The following RELN variants were observed in gnomAD, a reference collection of about 807,000 sequenced individuals.
RELN encodes the protein reelin.
Under a neutral mutation model 427.6 loss-of-function variants are expected in RELN, and 108 were observed. The ratio of observed to expected loss-of-function variants is 0.25; its 90% CI spans 0.22 to 0.30. The LOEUF (loss-of-function observed/expected upper bound fraction) is 0.30, where lower values mean the gene tolerates loss of function less well. Ranked by LOEUF, RELN falls within the 10% of genes least tolerant of loss-of-function variation. The pLI, the probability that RELN is intolerant of heterozygous loss-of-function variation, is 1.00. For synonymous variants in RELN, 1,524 were observed against 1,513.4 expected, an observed-to-expected ratio of 1.01 and a Z score of -0.16; for missense variants, 3,715 against 4,302.8, an observed-to-expected ratio of 0.86 and a Z score of 3.82.
chr7:103,652,222 C>T lies in RELN; in HGVS notation c.1763+329G>A, dbSNP rs115828138. 9.6e-3 allele frequency among the ~76,000 whole-genome samples: 1,442 copies of T among 150,584 alleles called. 27 individuals carry two copies. Among genetic ancestry groups the T allele is most frequent in the African/African-American group, 0.033 (1,371 of 41,152 alleles). On this transcript the variant is annotated intron_variant, in intron 14 of 64. Transcript: ENST00000428762. ...TGCTTATTATTAGCAGGTCACCAGC[C>T]GACAGGAGGTCAAGCTTTTTTTCAG... is the stretch of plus-strand genomic sequence containing the variant.
intron 8 of RELN, among the ~76,000 whole-genome samples, chr7:103,702,851 G>C (rs1834122497): frequency 6.6e-6 from 1 of 152,102 alleles, no homozygotes. Flanking sequence ...TGCTCTTTCT[G>C]CAAGTCAACG....
intron 3 of RELN, 111 bp downstream of exon 3, chr7:103,833,426 A>G: frequency 9.6e-7 from 1 of 1,046,306 alleles, no homozygotes; most frequent in Non-Finnish European, 1.5e-6. Context: ...GATTTTAATT[A>G]GGGTTAAACC....
At chr7:103,676,613 C>T (rs1420150758) in intron 11 of RELN, among the ~76,000 whole-genome samples, 1 of 152,150 alleles carries the variant, frequency 6.6e-6, no homozygotes. Context: ...AGGCACTATT[C>T]ACAATAGCAA....
At chr7:103,756,510 C>G (rs1353770467) in intron 4 of RELN, among the ~76,000 whole-genome samples, 1 of 152,128 alleles carries the variant, frequency 6.6e-6, no homozygotes, top group Non-Finnish European at 1.5e-5. Context: ...TAAGCCAAAG[C>G]TGGTAATAGT....
At chr7:103,508,208 A>G (rs765383934) in intron 51 of RELN, among the ~76,000 whole-genome samples, 18 of 152,214 alleles carry the variant, frequency 1.2e-4, no homozygotes, top group Non-Finnish European at 2.4e-4. Context: ...TCCTGCTACC[A>G]AAACCTGGCA....
At chr7:103,617,647 G>A (rs1832114552) in intron 20 of RELN, among the ~76,000 whole-genome samples, 1 of 151,146 alleles carries the variant, frequency 6.6e-6, no homozygotes, top group Admixed American at 6.6e-5. Context: ...ATACATGTGT[G>A]TATATATACA....
intron 12 of RELN, 107 bp downstream of exon 12, chr7:103,661,269 G>T: frequency 7.9e-7 from 1 of 1,273,360 alleles, no homozygotes; most frequent in Non-Finnish European, 1.1e-6. Flanking sequence ...CACGTTTCAT[G>T]AATTTTCATT....
At chr7:103,777,471 T>C (rs761136659) in intron 3 of RELN, among the ~76,000 whole-genome samples, 4 of 152,234 alleles carry the variant, frequency 2.6e-5, no homozygotes, top group South Asian at 2.1e-4. Context: ...ATCTTAACTT[T>C]AGTTTTAGCC....
chr7:103,873,000 ACTAT>A (rs1484250898), intron 2 of RELN, among the ~76,000 whole-genome samples: 2 of 152,024 alleles, frequency 1.3e-5, no homozygotes, highest in Admixed American at 6.6e-5. Context: ...AAATTAACAA[ACTAT>A]CTCTCAGACC....
intron 25 of RELN, 42 bp from the exon 26 acceptor site, chr7:103,594,534 T>C: frequency 6.3e-7 from 1 of 1,574,820 alleles, no homozygotes; most frequent in Non-Finnish European, 8.7e-7. Flanking sequence ...AAACAAAAGC[T>C]GTGCTTTTTT....
At chr7:103,775,043 A>G (rs931121811) in intron 4 of RELN, among the ~76,000 whole-genome samples, 1 of 152,176 alleles carries the variant, frequency 6.6e-6, no homozygotes, top group Non-Finnish European at 1.5e-5. Flanking sequence ...CAGTTATAAT[A>G]GAAAAGACTA....
chr7:103,554,049 T>A (rs913777276), intron 38 of RELN, among the ~76,000 whole-genome samples: 1 of 152,086 alleles, frequency 6.6e-6, no homozygotes, highest in Admixed American at 6.5e-5. Context: ...TAGCCAGGTG[T>A]GTTTGTGCAT....
rs984929355 is a variant in RELN at position 103,589,729 on chromosome 7, A to G, written c.4012T>C (p.Cys1338Arg). ...GMSWFLVKEG[C>R]YPASAGKGCE... is the part of the protein sequence containing the mutation. ...CCTTTGCCTGCAGAAGCCGGGTAAC[A>G]GCCTTCTTTCACCAGAAACCAGGAC... is the stretch of plus-strand genomic sequence containing the variant. The change falls in exon 28 of 65, where the codon TGT becomes CGT. Residue 1338 changes from cysteine to arginine, a missense_variant. Around this residue, in one of 4 missense-constraint regions of RELN, gnomAD observed 2,208 missense variants for 2,361.7 expected, o/e 0.93. Transcript: ENST00000428762. 1 of 1,613,506 alleles carries G rather than the reference A, an allele frequency of 6.2e-7. No homozygotes were observed. The highest frequency in any genetic ancestry group is 1.3e-5 in the African/African-American group (1 of 74,934).
chr7:103,631,275 T>A (rs1192202675), intron 19 of RELN, among the ~76,000 whole-genome samples: 3 of 139,038 alleles, frequency 2.2e-5, no homozygotes, highest in East Asian at 2.2e-4. Context: ...AATAAAACTT[T>A]AAAAACACTT....
intron 1 of RELN, among the ~76,000 whole-genome samples, chr7:103,970,349 G>A (rs1796739027): frequency 6.6e-6 from 1 of 152,044 alleles, no homozygotes; most frequent in African/African-American, 2.4e-5. Flanking sequence ...TCACCACTTT[G>A]GCCAGGCTGG....
chr7:103,631,071 T>C (rs1832452220), intron 19 of RELN, among the ~76,000 whole-genome samples: 1 of 150,922 alleles, frequency 6.6e-6, no homozygotes, highest in African/African-American at 2.4e-5. Flanking sequence ...TTGAAAGTTA[T>C]TTAGAAAAAT....
At chr7:103,729,895 C>G (rs1418173846) in intron 6 of RELN, among the ~76,000 whole-genome samples, 1 of 151,866 alleles carries the variant, frequency 6.6e-6, no homozygotes, top group African/African-American at 2.4e-5. Flanking sequence ...TTTTCCTCTA[C>G]TCCAGAATTT....
chr7:103,743,231 C>G (rs1417560193), intron 6 of RELN, among the ~76,000 whole-genome samples: 2 of 152,162 alleles, frequency 1.3e-5, no homozygotes, highest in African/African-American at 4.8e-5. Flanking sequence ...TTGTCACTAC[C>G]AGGCCTGACC....
intron 1 of RELN, among the ~76,000 whole-genome samples, chr7:103,940,994 A>G (rs1202890349): frequency 6.6e-6 from 1 of 152,198 alleles, no homozygotes; most frequent in Non-Finnish European, 1.5e-5. Flanking sequence ...AAGGTCAAGA[A>G]TGAATTGAGG....
Sources: allele counts gnomAD v4.1 joint callset (sites outside exome capture counted in the v4.1 genomes callset), GRCh38; gene constraint gnomAD v4.1.1; regional missense constraint gnomAD v4.1.1; transcripts MANE v1.5; gene names NCBI Gene and HGNC (gene_info 2026-07-23, HGNC 2026-07-21).